Variants in LRRC4C observed in about 807,000 individuals in gnomAD.
LRRC4C encodes leucine rich repeat containing 4C.
In LRRC4C, 5 loss-of-function variants were observed where a neutral mutation model predicts 33.6. The ratio of observed to expected loss-of-function variants is 0.15; its 90% confidence interval spans 0.08 to 0.31. LRRC4C has a LOEUF of 0.31. Ranked by LOEUF, LRRC4C falls within the 10% of genes least tolerant of loss-of-function variation. The probability of loss-of-function intolerance (pLI) is 1.00; values close to 1 mark genes in which losing one functional copy is unlikely to be tolerated. For missense variants in LRRC4C, 560 were observed against 796.7 expected, an observed-to-expected ratio of 0.70 and a Z score of 3.58; for synonymous variants, 329 against 302.0, an observed-to-expected ratio of 1.09 and a Z score of -0.93.
chr11:40,249,174 C>T lies in LRRC4C; in HGVS notation c.-175-7576G>A, dbSNP rs185438375. ...CCAACATGGTGAAACCCCATCTCTA[C>T]TAAAAAATACAAAAATTAGCCGGGT... On this transcript the variant is annotated intron_variant, in intron 4 of 6. Transcript: ENST00000528697. Among the ~76,000 whole-genome samples the T allele has an allele frequency of 2.6e-3, 388 of 152,072 alleles. 1 individual carries two copies. Among genetic ancestry groups the T allele is most frequent in the African/African-American group, 8.8e-3 (364 of 41,472 alleles).
chr11:40,350,767 C>T (rs1031145002), intron 3 of LRRC4C, among the ~76,000 whole-genome samples: 4 of 152,010 alleles, frequency 2.6e-5, no homozygotes, highest in Middle Eastern at 3.4e-3. Flanking sequence ...TCTTCAAGTT[C>T]GTGCATTAAT....
chr11:40,159,959 C>G (rs1180806695), intron 5 of LRRC4C, among the ~76,000 whole-genome samples: 2 of 151,970 alleles, frequency 1.3e-5, no homozygotes, highest in Non-Finnish European at 2.9e-5. Flanking sequence ...AATAAAGAAC[C>G]CTGTTTAATT....
At chr11:41,167,166 C>T (rs138695616) in intron 1 of LRRC4C, among the ~76,000 whole-genome samples, 15 of 152,212 alleles carry the variant, frequency 9.9e-5, no homozygotes, top group Non-Finnish European at 1.9e-4. Context: ...GATACCAGAA[C>T]ATTTCAAAAA....
At chr11:40,124,711 A>G (rs1856078391) in intron 6 of LRRC4C, among the ~76,000 whole-genome samples, 1 of 152,154 alleles carries the variant, frequency 6.6e-6, no homozygotes, top group African/African-American at 2.4e-5. Flanking sequence ...GGGTATAAAA[A>G]TATGGTTAGA....
chr11:40,543,834 T>G (rs564516568), intron 3 of LRRC4C, among the ~76,000 whole-genome samples: 1 of 152,038 alleles, frequency 6.6e-6, no homozygotes, highest in Non-Finnish European at 1.5e-5. Context: ...ATTTGAGGAC[T>G]ACCATTTTTT....
At chr11:40,760,800 T>C (rs7481791) in intron 2 of LRRC4C, among the ~76,000 whole-genome samples, 2,970 of 52,812 alleles carry the variant, frequency 0.056, 78 homozygotes, top group African/African-American at 0.17. Flanking sequence ...TATATATATA[T>C]ACACACACAC....
At chr11:40,464,039 AAAAC>A (rs1348984986) in intron 3 of LRRC4C, among the ~76,000 whole-genome samples, 2 of 152,086 alleles carry the variant, frequency 1.3e-5, no homozygotes, top group Admixed American at 6.6e-5. Flanking sequence ...ACAACAAAGT[AAAAC>A]TACAGACCGA....
chr11:41,120,675 C>T (rs1041923758), intron 1 of LRRC4C, among the ~76,000 whole-genome samples: 17 of 152,160 alleles, frequency 1.1e-4, no homozygotes, highest in Admixed American at 2.0e-4. Context: ...TGCCTTTCCC[C>T]TTTCAGATCT....
intron 1 of LRRC4C, among the ~76,000 whole-genome samples, chr11:41,241,120 T>TTA (rs1422687935): frequency 8.5e-5 from 13 of 152,140 alleles, no homozygotes; most frequent in African/African-American, 3.1e-4. Context: ...CCAACTACCT[T>TTA]ATAGTGTTGA....
At chr11:40,676,732 G>T (rs1445672112) in intron 2 of LRRC4C, among the ~76,000 whole-genome samples, 1 of 152,054 alleles carries the variant, frequency 6.6e-6, no homozygotes, top group East Asian at 1.9e-4. Flanking sequence ...TCTTAGACAA[G>T]AACTTTGGAT....
chr11:41,313,518 A>C (rs529911913), intron 1 of LRRC4C, among the ~76,000 whole-genome samples: 2 of 152,290 alleles, frequency 1.3e-5, no homozygotes, highest in Admixed American at 1.3e-4. Context: ...CAGAAAGAAA[A>C]ACAAATGCAT....
At chr11:40,320,150 C>A (rs1412506271) in intron 3 of LRRC4C, among the ~76,000 whole-genome samples, 1 of 152,036 alleles carries the variant, frequency 6.6e-6, no homozygotes, top group East Asian at 1.9e-4. Context: ...TGGCCATGAG[C>A]TAAAAACAAT....
intron 2 of LRRC4C, among the ~76,000 whole-genome samples, chr11:40,847,210 T>A (rs1433935704): frequency 1.3e-5 from 2 of 152,194 alleles, no homozygotes; most frequent in Admixed American, 1.3e-4. Flanking sequence ...AGAGAGGGCA[T>A]CCTTGTCTTG....
At chr11:40,575,183 G>T (rs1393376210) in intron 3 of LRRC4C, among the ~76,000 whole-genome samples, 1 of 152,148 alleles carries the variant, frequency 6.6e-6, no homozygotes, top group Non-Finnish European at 1.5e-5. Context: ...TCTAGCTCAT[G>T]AATGCATGTG....
chr11:40,512,186 G>A (rs1955352115), intron 3 of LRRC4C, among the ~76,000 whole-genome samples: 1 of 152,126 alleles, frequency 6.6e-6, no homozygotes, highest in Non-Finnish European at 1.5e-5. Context: ...CTATCGGTAT[G>A]TAACAAGCAA....
At chr11:40,778,455 A>G (rs1476720465) in intron 2 of LRRC4C, among the ~76,000 whole-genome samples, 1 of 152,202 alleles carries the variant, frequency 6.6e-6, no homozygotes, top group Non-Finnish European at 1.5e-5. Flanking sequence ...CAAGTCACCA[A>G]TCTAGTGTAA....
rs898516233 is a variant in LRRC4C at position 40,549,261 on chromosome 11, CTG to C, written c.-270+98879_-270+98880del. On this transcript the variant is annotated intron_variant, in intron 3 of 6. Transcript: ENST00000528697. ...GCTAAGATACTGGTTAACTGGTTAA[CTG>C]GGCCTGAAACAACACTCTGAGAACA... 7.9e-5 allele frequency among the ~76,000 whole-genome samples: 12 copies of C among 152,204 alleles called. 1 individual carries two copies. The Middle Eastern group carries it at 0.01, about 129-fold the overall frequency.
At chr11:41,038,532 CTT>C (rs1266863733) in intron 1 of LRRC4C, among the ~76,000 whole-genome samples, 1 of 152,122 alleles carries the variant, frequency 6.6e-6, no homozygotes, top group Non-Finnish European at 1.5e-5. Flanking sequence ...TCGCTGCCTA[CTT>C]CTAAGTCTGG....
rs566318998 is a variant in LRRC4C at position 40,253,329 on chromosome 11, CTTGT to C, written c.-175-11735_-175-11732del. 3.5e-3 allele frequency among the ~76,000 whole-genome samples: 538 copies of C among 152,242 alleles called. 4 individuals are homozygous for C. The highest frequency in any genetic ancestry group is 0.012 in the African/African-American group (512 of 41,530). ...ACTATAAAACAATGATCTCCTCTTG[CTTGT>C]TTGTTTGTTTACTTGGTGTTGTGGG... On this transcript the variant is annotated intron_variant, in intron 4 of 6. Transcript: ENST00000528697.
Sources: allele counts gnomAD v4.1 joint callset (sites outside exome capture counted in the v4.1 genomes callset), GRCh38; gene constraint gnomAD v4.1.1; transcripts MANE v1.5; gene names NCBI Gene and HGNC (gene_info 2026-07-23, HGNC 2026-07-21).